DAB2: variants seen among roughly 807,000 people sequenced by gnomAD.
The protein encoded by DAB2 is DAB adaptor protein 2.
DAB2 carries 28 observed loss-of-function variants against 71.6 expected under a neutral mutation model. The observed-to-expected ratio is 0.39, with a 90% confidence interval of 0.29 to 0.54. DAB2 has a LOEUF of 0.54. Ranked by LOEUF, DAB2 falls within the 20% of genes least tolerant of loss-of-function variation. DAB2 has a pLI of 0.68. For missense variants in DAB2, 867 were observed against 928.8 expected, an observed-to-expected ratio of 0.93 and a Z score of 0.86; for synonymous variants, 345 against 339.7, an observed-to-expected ratio of 1.02 and a Z score of -0.17.
intron 1 of DAB2, chr5:39,417,879 T>A (rs1412202477): frequency 1.3e-5 from 2 of 152,212 alleles, no homozygotes; most frequent in African/African-American, 4.8e-5. Context: ...ATCATTTCAA[T>A]TCTAGTACAT....
intron 1 of DAB2, among the ~76,000 whole-genome samples, chr5:39,420,439 A>C (rs1484384701): frequency 6.6e-6 from 1 of 151,532 alleles, no homozygotes; most frequent in Non-Finnish European, 1.5e-5. Context: ...TGCTCCCTTT[A>C]CTCTATGGTT....
intron 8 of DAB2, 46 bp downstream of exon 8, chr5:39,388,753 T>C (rs763498724): frequency 6.7e-6 from 10 of 1,491,318 alleles, no homozygotes; most frequent in South Asian, 2.3e-5. Context: ...GTAGAACCCA[T>C]GTTCAGATAA....
At chr5:39,398,676 C>G (rs980320596) in intron 1 of DAB2, among the ~76,000 whole-genome samples, 3 of 152,066 alleles carry the variant, frequency 2.0e-5, no homozygotes, top group Non-Finnish European at 4.4e-5. Flanking sequence ...AGACTACAAA[C>G]CCCTTTACAA....
chr5:39,380,179 T>C (rs1254752911), intron 11 of DAB2, among the ~76,000 whole-genome samples: 1 of 152,158 alleles, frequency 6.6e-6, no homozygotes, highest in African/African-American at 2.4e-5. Flanking sequence ...CCAAGAGACA[T>C]GAAGTCTTTA....
chr5:39,423,548 C>G (rs1325653529), intron 1 of DAB2, among the ~76,000 whole-genome samples: 1 of 152,232 alleles, frequency 6.6e-6, no homozygotes, highest in African/African-American at 2.4e-5. Flanking sequence ...CCAGTAGGTG[C>G]TTTTGTGTGA....
At position 39,416,006 on chromosome 5, in the gene DAB2, T is replaced by A. The variant is rs147557459; in HGVS notation, c.-102+8798A>T. 2.6e-3 allele frequency among the ~76,000 whole-genome samples: 400 copies of A among 152,108 alleles called. 1 individual carries two copies. Among genetic ancestry groups the A allele is most frequent in the African/African-American group, 8.7e-3 (361 of 41,506 alleles). On this transcript the variant is annotated intron_variant, in intron 1 of 14. Coordinates refer to ENST00000320816, the MANE Select transcript of DAB2 (RefSeq NM_001343.4). ...AATGAATGAGTCAAACCTCTGAAAG[T>A]CTACTTTTCATAATTACCCTTTATT...
intron 1 of DAB2, among the ~76,000 whole-genome samples, chr5:39,403,940 C>T (rs960187201): frequency 3.9e-5 from 6 of 152,034 alleles, no homozygotes; most frequent in South Asian, 2.1e-4. Flanking sequence ...CATCCATGTC[C>T]GTACAAAGGA....
At position 39,377,219 on chromosome 5, in the gene DAB2, T is replaced by G. The variant is rs962030069; in HGVS notation, c.1568A>C (p.Gln523Pro). The part of the protein sequence containing the change: ...PWNTASLVFN[Q>P]SPSMAPGAMM... Reference sequence around the variant, plus strand: ...GGCTCCCGGAGCCATTGAAGGGGACTGATTGAAGACCAAAGATGCTGTGTT... The same window carrying G: ...GGCTCCCGGAGCCATTGAAGGGGACGGATTGAAGACCAAAGATGCTGTGTT... The change falls in exon 12 of 15, where the codon CAG becomes CCG. Residue 523 changes from glutamine to proline, a missense_variant. Gln to Pro is a moderately conservative substitution (Grantham distance 76). Around this residue, in one of 2 missense-constraint regions of DAB2, gnomAD observed 740 missense variants for 734.3 expected, o/e 1.01. Transcript: ENST00000320816. 5 of 1,614,120 alleles carry G rather than the reference T, an allele frequency of 3.1e-6. No homozygotes were observed. Among genetic ancestry groups the G allele is most frequent in the Non-Finnish European group, 4.2e-6 (5 of 1,180,000 alleles).
At chr5:39,384,218 C>A (rs1465065073) in intron 9 of DAB2, among the ~76,000 whole-genome samples, 1 of 152,178 alleles carries the variant, frequency 6.6e-6, no homozygotes, top group Non-Finnish European at 1.5e-5. Flanking sequence ...GGAATATGTT[C>A]CAAGGCCCAC....
intron 9 of DAB2, chr5:39,387,776 A>G (rs931798742): frequency 1.3e-5 from 2 of 151,620 alleles, no homozygotes; most frequent in African/African-American, 4.9e-5. Context: ...GTTGTTACAG[A>G]TCATTCAATA....
chr5:39,402,289 A>G (rs1755521466), intron 1 of DAB2, among the ~76,000 whole-genome samples: 1 of 152,220 alleles, frequency 6.6e-6, no homozygotes, highest in Non-Finnish European at 1.5e-5. Context: ...CACAGAAGCT[A>G]TGTGTTGTGT....
intron 1 of DAB2, among the ~76,000 whole-genome samples, chr5:39,409,752 C>A (rs548869811): frequency 6.6e-6 from 1 of 152,104 alleles, no homozygotes; most frequent in Non-Finnish European, 1.5e-5. Context: ...AAGAACCACC[C>A]CTTGGTGACC....
At chr5:39,386,414 T>C (rs996662330) in intron 9 of DAB2, among the ~76,000 whole-genome samples, 7 of 152,182 alleles carry the variant, frequency 4.6e-5, no homozygotes, top group African/African-American at 1.7e-4. Context: ...ACATGCTGGC[T>C]TTACCAAGTA....
intron 2 of DAB2, among the ~76,000 whole-genome samples, chr5:39,393,635 T>TGGGAAACGTATG (rs1298278860): frequency 6.6e-6 from 1 of 152,160 alleles, no homozygotes; most frequent in Non-Finnish European, 1.5e-5. Context: ...GACAGCGTTA[T>TGGGAAACGTATG]GGGAAACGTA....
At chr5:39,373,886 C>T (rs950445515) in intron 14 of DAB2, among the ~76,000 whole-genome samples, 2 of 152,172 alleles carry the variant, frequency 1.3e-5, no homozygotes, top group Non-Finnish European at 2.9e-5. Flanking sequence ...TTTAGAATCA[C>T]CTGCACTCTT....
intron 13 of DAB2, 40 bp downstream of exon 13, chr5:39,375,957 C>T (rs754161594): frequency 5.6e-6 from 8 of 1,432,374 alleles, no homozygotes; most frequent in Admixed American, 1.7e-5. Context: ...CTCTATGTGG[C>T]ATGTACTTTG....
At chr5:39,416,826 C>T (rs948159908) in intron 1 of DAB2, among the ~76,000 whole-genome samples, 5 of 152,036 alleles carry the variant, frequency 3.3e-5, no homozygotes, top group Admixed American at 2.6e-4. Context: ...TTTCTAGGCT[C>T]GACACAGTCT....
At chr5:39,420,904 A>G (rs185300681) in intron 1 of DAB2, among the ~76,000 whole-genome samples, 4 of 152,292 alleles carry the variant, frequency 2.6e-5, no homozygotes, top group African/African-American at 9.6e-5. Flanking sequence ...CTATGTGGGC[A>G]AGGATAGTAT....
chr5:39,399,190 A>G (rs1187557186), intron 1 of DAB2, among the ~76,000 whole-genome samples: 1 of 152,162 alleles, frequency 6.6e-6, no homozygotes, highest in Non-Finnish European at 1.5e-5. Flanking sequence ...GAAGTATACA[A>G]TTTTCTCACT....
Sources: allele counts gnomAD v4.1 joint callset (sites outside exome capture counted in the v4.1 genomes callset), GRCh38; gene constraint gnomAD v4.1.1; regional missense constraint gnomAD v4.1.1; transcripts MANE v1.5; gene names NCBI Gene and HGNC (gene_info 2026-07-23, HGNC 2026-07-21).